ZC3H12B: variants seen among roughly 807,000 people sequenced by gnomAD.
ZC3H12B encodes the protein zinc finger CCCH-type containing 12B, also known as probable ribonuclease ZC3H12B.
In ZC3H12B, 7 loss-of-function variants were observed where a neutral mutation model predicts 43.9. That is an observed-to-expected ratio of 0.16 (90% CI 0.09 to 0.30). ZC3H12B has a LOEUF of 0.30. Ranked by LOEUF, ZC3H12B falls within the 10% of genes least tolerant of loss-of-function variation. The pLI is 1.00. For synonymous variants in ZC3H12B, 222 were observed against 241.7 expected (o/e 0.92, Z 0.76); for missense variants, 475 against 670.2 (o/e 0.71, Z 3.22).
At chrX:65,125,395 T>G in the ZC3H12B span, among the ~76,000 whole-genome samples, 2 of 111,679 alleles carry the variant, frequency 1.8e-5, no homozygotes, top group Non-Finnish European at 3.8e-5. Context: ...GTACTGAGAC[T>G]TGTTTATGGA....
chrX:65,123,930 C>T, the ZC3H12B span, among the ~76,000 whole-genome samples: 1 of 110,465 alleles, frequency 9.1e-6, no homozygotes, highest in Non-Finnish European at 1.9e-5. Flanking sequence ...ATTATATCAT[C>T]AGCAAGCAGT....
At chrX:65,498,149 C>G (rs1038570444) in intron 2 of ZC3H12B, among the ~76,000 whole-genome samples, 2 of 111,739 alleles carry the variant, frequency 1.8e-5, no homozygotes, top group African/African-American at 6.5e-5. Context: ...AAGCTATCTG[C>G]CCGCCTCAGC....
the ZC3H12B span, among the ~76,000 whole-genome samples, chrX:65,289,291 C>T: frequency 9.1e-6 from 1 of 110,136 alleles, no homozygotes; most frequent in African/African-American, 3.3e-5. Flanking sequence ...CCAAAGCAAT[C>T]CTGAGAAAAG....
chrX:65,308,745 A>T, the ZC3H12B span, among the ~76,000 whole-genome samples: 3 of 111,509 alleles, frequency 2.7e-5, no homozygotes, highest in African/African-American at 6.5e-5. Context: ...GAAGTAAAGC[A>T]CTCCTCAGCA....
the ZC3H12B span, among the ~76,000 whole-genome samples, chrX:65,331,527 G>A: frequency 2.8e-5 from 3 of 108,996 alleles, no homozygotes; most frequent in South Asian, 1.2e-3. Context: ...TACAAAGCCT[G>A]TGAGACAGGA....
chrX:65,111,556 AT>A, the ZC3H12B span, among the ~76,000 whole-genome samples: 911 of 91,673 alleles, frequency 9.9e-3, 11 homozygotes, highest in Admixed American at 0.045. Context: ...TTTTTTTATT[AT>A]TTTTTTTTTT....
At chrX:65,060,196 A>T in the ZC3H12B span, among the ~76,000 whole-genome samples, 1 of 112,178 alleles carries the variant, frequency 8.9e-6, no homozygotes, top group African/African-American at 3.2e-5. Context: ...ATTGGGATGC[A>T]CTGCATATAT....
At chrX:65,142,527 G>C in the ZC3H12B span, among the ~76,000 whole-genome samples, 1 of 112,042 alleles carries the variant, frequency 8.9e-6, no homozygotes, top group Non-Finnish European at 1.9e-5. Context: ...ATTTATCTTT[G>C]TTTTTATTAC....
the ZC3H12B span, among the ~76,000 whole-genome samples, chrX:65,188,149 T>C: frequency 0.083 from 9,200 of 111,478 alleles, 1,021 homozygotes; most frequent in African/African-American, 0.29. Flanking sequence ...CATTCATTTT[T>C]ATGGCTGAAT....
intron 3 of ZC3H12B, among the ~76,000 whole-genome samples, chrX:65,454,437 C>T (rs1245530123): frequency 1.8e-5 from 2 of 112,146 alleles, no homozygotes; most frequent in Non-Finnish European, 3.8e-5. Flanking sequence ...GGGGGAGGGG[C>T]GCCCACCATT....
chrX:65,323,110 C>A, the ZC3H12B span, among the ~76,000 whole-genome samples: 5 of 112,035 alleles, frequency 4.5e-5, no homozygotes, highest in Admixed American at 9.5e-5. Context: ...TATTTAACTT[C>A]TTTTTTTCCT....
intron 3 of ZC3H12B, among the ~76,000 whole-genome samples, chrX:65,433,056 T>C (rs1467806757): frequency 8.9e-6 from 1 of 112,750 alleles, no homozygotes; most frequent in African/African-American, 3.2e-5. Flanking sequence ...GTGGGTCTTA[T>C]GGAGAGATAC....
the ZC3H12B span, among the ~76,000 whole-genome samples, chrX:65,154,712 G>A: frequency 7.2e-5 from 8 of 111,293 alleles, no homozygotes; most frequent in African/African-American, 2.6e-4. Context: ...AGCTGGGTGT[G>A]TTGCATACCT....
the ZC3H12B span, among the ~76,000 whole-genome samples, chrX:65,273,663 G>A: frequency 1.8e-5 from 2 of 111,723 alleles, no homozygotes; most frequent in African/African-American, 6.5e-5. Context: ...TAATCAAATT[G>A]TCAAGTTAGA....
At chrX:65,174,337 A>G in the ZC3H12B span, among the ~76,000 whole-genome samples, 1 of 112,544 alleles carries the variant, frequency 8.9e-6, no homozygotes, top group Non-Finnish European at 1.9e-5. Flanking sequence ...ACTTTTATCC[A>G]TCCAAGGATT....
the ZC3H12B span, among the ~76,000 whole-genome samples, chrX:65,169,279 A>C: frequency 8.9e-6 from 1 of 111,799 alleles, no homozygotes; most frequent in Non-Finnish European, 1.9e-5. Flanking sequence ...TTCTGCCTTC[A>C]TTTGATTATG....
At chrX:65,225,527 A>G in the ZC3H12B span, among the ~76,000 whole-genome samples, 1 of 112,721 alleles carries the variant, frequency 8.9e-6, no homozygotes, top group Non-Finnish European at 1.9e-5. Context: ...TGGACGGAGA[A>G]TGACTTTGAC....
At chrX:65,199,166 TTTA>T in the ZC3H12B span, among the ~76,000 whole-genome samples, 1 of 107,970 alleles carries the variant, frequency 9.3e-6, no homozygotes, top group Non-Finnish European at 1.9e-5. Flanking sequence ...TTAATTGTTT[TTTA>T]TTATTTTTTT....
At chrX:65,230,587 C>T in the ZC3H12B span, among the ~76,000 whole-genome samples, 3 of 94,558 alleles carry the variant, frequency 3.2e-5, no homozygotes, top group Admixed American at 2.3e-4. Flanking sequence ...TTCATATAAA[C>T]AAACATCACC....
Sources: gnomAD v4.1 joint callset for allele counts (sites outside exome capture counted in the v4.1 genomes callset) on GRCh38, gnomAD v4.1.1 for gene constraint, MANE v1.5 for transcripts, NCBI Gene and HGNC (gene_info 2026-07-23, HGNC 2026-07-21) for gene names.